Variants in FOXN3 observed in about 807,000 individuals in gnomAD.
FOXN3 encodes the protein forkhead box N3.
In FOXN3, 7 loss-of-function variants were observed where a neutral mutation model predicts 38.4. The ratio of observed to expected loss-of-function variants is 0.18; its 90% CI spans 0.10 to 0.34. The LOEUF (loss-of-function observed/expected upper bound fraction) is 0.34. Among genes scored for constraint, FOXN3 ranks in the 10% least tolerant of loss-of-function variants. The probability of loss-of-function intolerance (pLI) is 1.00; values close to 1 mark genes in which losing one functional copy is unlikely to be tolerated. For missense variants in FOXN3, 456 were observed against 613.4 expected (o/e 0.74, Z 2.71); for synonymous variants, 230 against 242.2 (o/e 0.95, Z 0.47).
At chr14:89,405,155 G>C (rs1011947615) in intron 2 of FOXN3, among the ~76,000 whole-genome samples, 5 of 151,912 alleles carry the variant, frequency 3.3e-5, no homozygotes, top group Non-Finnish European at 5.9e-5. Flanking sequence ...TTTTCTTTTT[G>C]AGACAGAGTC....
rs1896488689 is a variant in FOXN3 at position 89,616,175 on chromosome 14, A to AT, written c.-15+2852dup. On this transcript the variant is annotated intron_variant, in intron 1 of 6. Transcript: ENST00000345097. ...AAAATTTAGTACAGGGCCTCTGGTT[A>AT]TTTTTTGCTTAGCAAAATGAACGGG... Among the ~76,000 whole-genome samples the AT allele has an allele frequency of 2.1e-5, 3 of 141,726 alleles. 1 individual carries two copies. Among genetic ancestry groups the AT allele is most frequent in the East Asian group, 4.1e-4 (2 of 4,868 alleles). The allele number at this position is 141,726 out of a possible 152,430, so 93.0% of individuals were successfully genotyped here.
At chr14:89,173,803 C>G (rs549390470) in intron 5 of FOXN3, among the ~76,000 whole-genome samples, 1 of 152,228 alleles carries the variant, frequency 6.6e-6, no homozygotes, top group South Asian at 2.1e-4. Context: ...TCAGCCTGGG[C>G]AACATGGCAA....
At chr14:89,483,078 G>A (rs756031435) in intron 1 of FOXN3, among the ~76,000 whole-genome samples, 4 of 152,016 alleles carry the variant, frequency 2.6e-5, no homozygotes, top group South Asian at 4.1e-4. Context: ...GTGGTGGCGC[G>A]CTTCTGTAAT....
chr14:89,432,315 C>T (rs1354627657), intron 1 of FOXN3, among the ~76,000 whole-genome samples: 2 of 152,156 alleles, frequency 1.3e-5, no homozygotes, highest in Non-Finnish European at 2.9e-5. Context: ...CCTAATTTTC[C>T]TAGGAAGGAC....
chr14:89,248,368 C>G (rs192731262), intron 4 of FOXN3, among the ~76,000 whole-genome samples: 2 of 152,330 alleles, frequency 1.3e-5, no homozygotes, highest in African/African-American at 4.8e-5. Flanking sequence ...TTTCCACCAA[C>G]AGGAGCAAAT....
intron 2 of FOXN3, among the ~76,000 whole-genome samples, chr14:89,367,134 T>A (rs1191395929): frequency 2.6e-5 from 4 of 152,160 alleles, no homozygotes; most frequent in Admixed American, 6.5e-5. Flanking sequence ...GAGTGGCCAT[T>A]GGCCACGAGA....
intron 4 of FOXN3, among the ~76,000 whole-genome samples, chr14:89,260,324 G>A (rs1056750135): frequency 6.6e-6 from 1 of 152,224 alleles, no homozygotes; most frequent in African/African-American, 2.4e-5. Flanking sequence ...GCTCTCCCGG[G>A]CACGAAGCTG....
At chr14:89,238,119 CTT>C (rs1281984291) in intron 4 of FOXN3, among the ~76,000 whole-genome samples, 1 of 152,196 alleles carries the variant, frequency 6.6e-6, no homozygotes, top group African/African-American at 2.4e-5. Flanking sequence ...AGTCTTTAGT[CTT>C]TTCCAAATTC....
chr14:89,364,610 A>G (rs769699944), intron 2 of FOXN3: 1 of 152,188 alleles, frequency 6.6e-6, no homozygotes, highest in African/African-American at 2.4e-5. Context: ...CATGTCCTCT[A>G]AATATCAGAT....
chr14:89,392,604 G>T (rs556942084), intron 2 of FOXN3, among the ~76,000 whole-genome samples: 1 of 149,788 alleles, frequency 6.7e-6, no homozygotes, highest in East Asian at 2.0e-4. Context: ...CACTCACACG[G>T]TGCTCTCCCC....
At chr14:89,586,278 G>C (rs1392129809) in intron 1 of FOXN3, among the ~76,000 whole-genome samples, 1 of 152,172 alleles carries the variant, frequency 6.6e-6, no homozygotes, top group Admixed American at 6.5e-5. Context: ...AAAGCAGGAT[G>C]TAAGAAAAGA....
chr14:89,342,497 G>A (rs779731080), intron 3 of FOXN3, among the ~76,000 whole-genome samples: 4 of 152,190 alleles, frequency 2.6e-5, no homozygotes, highest in Non-Finnish European at 5.9e-5. Context: ...GATTTGATAT[G>A]AAAATAAAAT....
chr14:89,256,265 AAATC>A (rs759655275), intron 4 of FOXN3, among the ~76,000 whole-genome samples: 4 of 152,196 alleles, frequency 2.6e-5, no homozygotes, highest in Admixed American at 1.3e-4. Context: ...TCTCATATGA[AAATC>A]AATCAATCAG....
intron 4 of FOXN3, among the ~76,000 whole-genome samples, chr14:89,274,225 A>T (rs1886235041): frequency 6.6e-6 from 1 of 152,196 alleles, no homozygotes; most frequent in Admixed American, 6.5e-5. Flanking sequence ...CTGTGGCCAG[A>T]CACAGGAGTC....
intron 2 of FOXN3, among the ~76,000 whole-genome samples, chr14:89,392,756 G>A (rs1184684833): frequency 1.4e-5 from 2 of 147,004 alleles, no homozygotes; most frequent in African/African-American, 2.5e-5. Context: ...TTCTCCTGCC[G>A]CAGCCTCCTG....
chr14:89,574,032 AAAAAT>A (rs1327587663), intron 1 of FOXN3, among the ~76,000 whole-genome samples: 5 of 152,212 alleles, frequency 3.3e-5, no homozygotes, highest in South Asian at 2.1e-4. Context: ...CCCCATCTCC[AAAAAT>A]AAAATAAAGT....
At chr14:89,473,752 G>T (rs1445546706) in intron 1 of FOXN3, among the ~76,000 whole-genome samples, 1 of 152,070 alleles carries the variant, frequency 6.6e-6, no homozygotes, top group East Asian at 1.9e-4. Flanking sequence ...TTATTTTCCT[G>T]GTAAATCCAG....
chr14:89,554,782 C>CTTTTTTTTTTT (rs34530866), intron 1 of FOXN3, among the ~76,000 whole-genome samples: 9 of 68,584 alleles, frequency 1.3e-4, no homozygotes, highest in Admixed American at 4.1e-4. Flanking sequence ...ACTAGCATTT[C>CTTTTTTTTTTT]TTTTTTTTTT....
chr14:89,245,985 T>G (rs995349523), intron 4 of FOXN3, among the ~76,000 whole-genome samples: 1 of 152,178 alleles, frequency 6.6e-6, no homozygotes, highest in African/African-American at 2.4e-5. Flanking sequence ...CCAGCTTGAT[T>G]TAATAAGTCA....
Sources: gnomAD v4.1 joint callset for allele counts (sites outside exome capture counted in the v4.1 genomes callset) on GRCh38, gnomAD v4.1.1 for gene constraint, MANE v1.5 for transcripts, NCBI Gene and HGNC (gene_info 2026-07-23, HGNC 2026-07-21) for gene names.